The following DRC11 variants were observed in gnomAD, a reference collection of about 807,000 sequenced individuals.
DRC11 encodes the protein IQ and AAA domain-containing protein 1.
At chr2:236,341,363 TAGG>T in the DRC11 span, among the ~76,000 whole-genome samples, 6 of 152,100 alleles carry the variant, frequency 3.9e-5, no homozygotes, top group Admixed American at 3.9e-4. Flanking sequence ...GCTACTCTCC[TAGG>T]AGGAGGAGAA....
the DRC11 span, among the ~76,000 whole-genome samples, chr2:236,397,315 T>C: frequency 3.9e-5 from 6 of 152,332 alleles, no homozygotes; most frequent in South Asian, 6.2e-4. The surrounding 1 kb of genome is among the most constrained non-coding windows in gnomAD (Gnocchi z 5.0). Flanking sequence ...TGTCTTTACA[T>C]AGTCGTATCA....
the DRC11 span, among the ~76,000 whole-genome samples, chr2:236,493,377 AT>A: frequency 1.3e-5 from 2 of 152,198 alleles, no homozygotes; most frequent in Non-Finnish European, 2.9e-5. Context: ...GCCAATCAGC[AT>A]TTTTAGAAAG....
the DRC11 span, among the ~76,000 whole-genome samples, chr2:236,444,703 T>G: frequency 4.6e-5 from 7 of 152,332 alleles, no homozygotes; most frequent in South Asian, 8.3e-4. Flanking sequence ...AAACAGAACC[T>G]GATTCTCTTT....
chr2:236,356,096 G>A, the DRC11 span, among the ~76,000 whole-genome samples: 2 of 152,070 alleles, frequency 1.3e-5, no homozygotes, highest in East Asian at 1.9e-4. Context: ...CCTCGGCCCC[G>A]TTCTCCCAGG....
the DRC11 span, among the ~76,000 whole-genome samples, chr2:236,407,336 T>C: frequency 6.6e-6 from 1 of 152,216 alleles, no homozygotes; most frequent in Non-Finnish European, 1.5e-5. Flanking sequence ...ATAAACCACA[T>C]TTCTCACATG....
At chr2:236,410,783 C>A in the DRC11 span, among the ~76,000 whole-genome samples, 20 of 149,072 alleles carry the variant, frequency 1.3e-4, no homozygotes, top group African/African-American at 4.7e-4. Context: ...CTGAGAAAAA[C>A]AAGCAATGGG....
the DRC11 span, among the ~76,000 whole-genome samples, chr2:236,328,931 C>G: frequency 6.6e-6 from 1 of 152,298 alleles, no homozygotes; most frequent in Non-Finnish European, 1.5e-5. The surrounding 1 kb of genome is among the most constrained non-coding windows in gnomAD (Gnocchi z 6.7). Context: ...AAACCTGGAA[C>G]GGGCCTCACT....
At chr2:236,397,884 T>A in the DRC11 span, among the ~76,000 whole-genome samples, 1 of 152,246 alleles carries the variant, frequency 6.6e-6, no homozygotes, top group Non-Finnish European at 1.5e-5. The surrounding 1 kb of genome is among the most constrained non-coding windows in gnomAD (Gnocchi z 5.0). Context: ...AAGCTCATTG[T>A]TGGCAGGTGT....
At chr2:236,489,912 G>A in the DRC11 span, among the ~76,000 whole-genome samples, 3 of 152,136 alleles carry the variant, frequency 2.0e-5, no homozygotes. Flanking sequence ...GCAACAGAGT[G>A]AGATTCTGTC....
chr2:236,470,922 T>C, the DRC11 span, among the ~76,000 whole-genome samples: 1 of 152,156 alleles, frequency 6.6e-6, no homozygotes, highest in African/African-American at 2.4e-5. The surrounding 1 kb of genome is among the most constrained non-coding windows in gnomAD (Gnocchi z 5.1). Flanking sequence ...AGGAACTGGG[T>C]TATAAGAGGT....
chr2:236,373,227 A>T, the DRC11 span, among the ~76,000 whole-genome samples: 1 of 148,828 alleles, frequency 6.7e-6, no homozygotes, highest in Non-Finnish European at 1.5e-5. Context: ...CTGTTCTCAC[A>T]CGTCTTCTAT....
the DRC11 span, among the ~76,000 whole-genome samples, chr2:236,458,183 G>A: frequency 6.6e-6 from 1 of 152,174 alleles, no homozygotes; most frequent in Non-Finnish European, 1.5e-5. Context: ...TTTAAGTAGA[G>A]GGCATCAGTG....
At chr2:236,389,386 C>T in the DRC11 span, among the ~76,000 whole-genome samples, 7 of 152,164 alleles carry the variant, frequency 4.6e-5, no homozygotes, top group Non-Finnish European at 4.4e-5. Context: ...TTAAGCCCGT[C>T]GGAAAAGCGC....
the DRC11 span, among the ~76,000 whole-genome samples, chr2:236,426,904 T>C: frequency 2.0e-5 from 3 of 152,334 alleles, no homozygotes; most frequent in Non-Finnish European, 2.9e-5. The surrounding 1 kb of genome is among the most constrained non-coding windows in gnomAD (Gnocchi z 4.1). Context: ...CTATTGAGTA[T>C]GATTTTAGCT....
the DRC11 span, among the ~76,000 whole-genome samples, chr2:236,444,853 T>C: frequency 6.6e-6 from 1 of 152,230 alleles, no homozygotes; most frequent in African/African-American, 2.4e-5. Context: ...GACAGAGATC[T>C]GACATTCAAA....
At chr2:236,460,831 T>C in the DRC11 span, among the ~76,000 whole-genome samples, 22 of 152,298 alleles carry the variant, frequency 1.4e-4, no homozygotes, top group South Asian at 2.9e-3. This position sits in a 1 kb window ranked among gnomAD's most constrained non-coding sequence, Gnocchi z 4.0. Context: ...CTCGGCTCAC[T>C]GCAACCTCCA....
chr2:236,309,549 T>A, the DRC11 span, among the ~76,000 whole-genome samples: 1 of 152,208 alleles, frequency 6.6e-6, no homozygotes, highest in Non-Finnish European at 1.5e-5. The surrounding 1 kb of genome is among the most constrained non-coding windows in gnomAD (Gnocchi z 5.7). Flanking sequence ...ATTCTTTAAA[T>A]ATTTGTCCAA....
the DRC11 span, among the ~76,000 whole-genome samples, chr2:236,319,205 T>C: frequency 6.6e-6 from 1 of 152,230 alleles, no homozygotes; most frequent in Non-Finnish European, 1.5e-5. The surrounding 1 kb of genome is among the most constrained non-coding windows in gnomAD (Gnocchi z 6.7). Context: ...GGGTCTGCTT[T>C]GGGCACTCAG....
At chr2:236,484,182 G>A in the DRC11 span, among the ~76,000 whole-genome samples, 1 of 152,146 alleles carries the variant, frequency 6.6e-6, no homozygotes, top group Non-Finnish European at 1.5e-5. Flanking sequence ...AGACAGAAAA[G>A]AATCCCGATT....
Sources: gnomAD v4.1 joint callset for allele counts (sites outside exome capture counted in the v4.1 genomes callset) on GRCh38, gnomAD v4.1.1 for gene constraint, Gnocchi (gnomAD v3.1) non-coding constraint, MANE v1.5 for transcripts, NCBI Gene and HGNC (gene_info 2026-07-23, HGNC 2026-07-21) for gene names.